NPAS3: variants seen among roughly 807,000 people sequenced by gnomAD.
NPAS3 encodes neuronal PAS domain protein 3, also known as neuronal PAS domain-containing protein 3.
NPAS3 carries 14 observed loss-of-function variants against 73.1 expected under a neutral mutation model. The observed-to-expected ratio is 0.19, with a 90% CI of 0.13 to 0.30. NPAS3 has a LOEUF of 0.30. NPAS3 is among the 10% of genes least tolerant of loss of function. The pLI, the probability that NPAS3 is intolerant of heterozygous loss-of-function variation, is 1.00. For missense variants in NPAS3, 1,096 were observed against 1,250.0 expected, an observed-to-expected ratio of 0.88 and a Z score of 1.86; for synonymous variants, 620 against 541.5, an observed-to-expected ratio of 1.14 and a Z score of -2.01.
chr14:33,007,996 T>C (rs2039057966), intron 1 of NPAS3, among the ~76,000 whole-genome samples: 1 of 152,206 alleles, frequency 6.6e-6, no homozygotes, highest in South Asian at 2.1e-4. Context: ...ATAGTTTAAA[T>C]TTATTCCAGT....
intron 2 of NPAS3, among the ~76,000 whole-genome samples, chr14:33,197,685 G>A (rs1416345216): frequency 2.0e-5 from 3 of 152,212 alleles, no homozygotes; most frequent in Non-Finnish European, 2.9e-5. Context: ...AACTGCAGAA[G>A]ACATCTCTAG....
At chr14:33,066,943 A>C (rs1158557936) in intron 2 of NPAS3, among the ~76,000 whole-genome samples, 1 of 152,198 alleles carries the variant, frequency 6.6e-6, no homozygotes, top group African/African-American at 2.4e-5. Flanking sequence ...TGCTCCAAAT[A>C]TGGGGTGCTG....
intron 3 of NPAS3, among the ~76,000 whole-genome samples, chr14:33,354,950 C>A (rs1375036049): frequency 6.6e-6 from 1 of 152,156 alleles, no homozygotes; most frequent in Non-Finnish European, 1.5e-5. Context: ...CACCGTGCCT[C>A]AGGTGATATA....
chr14:33,621,194 C>T (rs2058066806), intron 5 of NPAS3, among the ~76,000 whole-genome samples: 1 of 152,000 alleles, frequency 6.6e-6, no homozygotes, highest in Non-Finnish European at 1.5e-5. Context: ...AAGAAGAAGC[C>T]ATATTTACAG....
At chr14:32,982,580 T>G (rs2037942837) in intron 1 of NPAS3, among the ~76,000 whole-genome samples, 2 of 152,140 alleles carry the variant, frequency 1.3e-5, no homozygotes, top group Non-Finnish European at 2.9e-5. Context: ...CTGCACTACT[T>G]AAATGACTGA....
intron 7 of NPAS3, among the ~76,000 whole-genome samples, chr14:33,769,294 T>C (rs2062565201): frequency 6.6e-6 from 1 of 152,242 alleles, no homozygotes; most frequent in African/African-American, 2.4e-5. Context: ...TATTTTCGAC[T>C]ATCCCCTGAA....
At chr14:33,175,696 G>T (rs938400692) in intron 2 of NPAS3, among the ~76,000 whole-genome samples, 1 of 152,028 alleles carries the variant, frequency 6.6e-6, no homozygotes, top group Non-Finnish European at 1.5e-5. Context: ...AATTCATAAG[G>T]TTGCCTTGGG....
chr14:33,449,549 G>C (rs567149236), intron 4 of NPAS3, among the ~76,000 whole-genome samples: 1 of 151,984 alleles, frequency 6.6e-6, no homozygotes, highest in South Asian at 2.1e-4. Flanking sequence ...AAACAGCTGT[G>C]CCTAAATTCA....
intron 3 of NPAS3, among the ~76,000 whole-genome samples, chr14:33,284,931 A>G (rs2041812874): frequency 6.6e-6 from 1 of 152,188 alleles, no homozygotes; most frequent in Non-Finnish European, 1.5e-5. Context: ...CACAGAGGTC[A>G]GATGTGTCCT....
intron 1 of NPAS3, among the ~76,000 whole-genome samples, chr14:32,992,981 C>G (rs562071109): frequency 6.6e-6 from 1 of 151,952 alleles, no homozygotes; most frequent in Non-Finnish European, 1.5e-5. Context: ...ATGGTGAAAC[C>G]CTGTCTCTAC....
chr14:33,572,834 C>G (rs1034718836), intron 5 of NPAS3, among the ~76,000 whole-genome samples: 6 of 151,940 alleles, frequency 3.9e-5, no homozygotes, highest in Non-Finnish European at 7.4e-5. Flanking sequence ...ACCAGCCTGG[C>G]CAACATGGTG....
At chr14:33,448,108 G>A (rs1309059423) in intron 4 of NPAS3, among the ~76,000 whole-genome samples, 3 of 152,212 alleles carry the variant, frequency 2.0e-5, no homozygotes, top group Admixed American at 6.5e-5. Flanking sequence ...TTATTAATTC[G>A]ATTGGACAGA....
At chr14:33,303,930 C>T (rs779050357) in intron 3 of NPAS3, among the ~76,000 whole-genome samples, 22 of 148,490 alleles carry the variant, frequency 1.5e-4, no homozygotes, top group East Asian at 5.8e-4. Context: ...TGTTTTGAGA[C>T]GGAGTCTCGC....
At chr14:33,160,659 A>G (rs993986953) in intron 2 of NPAS3, among the ~76,000 whole-genome samples, 3 of 151,544 alleles carry the variant, frequency 2.0e-5, no homozygotes, top group African/African-American at 7.3e-5. Context: ...AAAAAAGAAA[A>G]GTCTGTGGTT....
In NPAS3 at chr14:33,677,436, A is replaced by C. The variant is rs181888502; in HGVS notation, c.733+1051A>C. Reference sequence around the variant, plus strand: ...TTGGAAAATTATTTTTTCACTCTTCAAAGATGCTTGTACTTTACTTGATCT... The same window carrying C: ...TTGGAAAATTATTTTTTCACTCTTCCAAGATGCTTGTACTTTACTTGATCT... On this transcript the variant is annotated intron_variant, in intron 6 of 11. Transcript: ENST00000356141. Among the ~76,000 whole-genome samples the C allele has an allele frequency of 2.9e-3, 447 of 152,350 alleles. 4 individuals carry two copies. The highest frequency in any genetic ancestry group is 5.8e-4 in the East Asian group (3 of 5,190).
At chr14:33,560,854 C>T (rs780403622) in intron 5 of NPAS3, among the ~76,000 whole-genome samples, 64 of 152,278 alleles carry the variant, frequency 4.2e-4, no homozygotes, top group Non-Finnish European at 7.2e-4. Context: ...TCTCGATATT[C>T]CCCTGGAACA....
At chr14:33,090,129 A>G (rs149344967) in intron 2 of NPAS3, among the ~76,000 whole-genome samples, 12 of 152,356 alleles carry the variant, frequency 7.9e-5, no homozygotes, top group Middle Eastern at 3.4e-3. Flanking sequence ...CAATGACAGG[A>G]TCAGGTTCAC....
chr14:33,190,814 G>A (rs2046144793), intron 2 of NPAS3, among the ~76,000 whole-genome samples: 2 of 152,090 alleles, frequency 1.3e-5, no homozygotes. Context: ...AGCGCCCATC[G>A]GTATAAAGCC....
At chr14:33,174,172 G>C (rs1442311946) in intron 2 of NPAS3, among the ~76,000 whole-genome samples, 2 of 152,168 alleles carry the variant, frequency 1.3e-5, no homozygotes, top group Non-Finnish European at 2.9e-5. Context: ...TTGGACAGTA[G>C]TCTCTTCCTT....
Sources: gnomAD v4.1 joint callset for allele counts (sites outside exome capture counted in the v4.1 genomes callset) on GRCh38, gnomAD v4.1.1 for gene constraint, MANE v1.5 for transcripts, NCBI Gene and HGNC (gene_info 2026-07-23, HGNC 2026-07-21) for gene names.